RUNX1T1: variants seen among roughly 807,000 people sequenced by gnomAD.
RUNX1T1 encodes protein CBFA2T1.
Under a neutral mutation model 62.8 loss-of-function variants are expected in RUNX1T1, and 4 were observed. The observed-to-expected ratio is 0.06, with a 90% CI of 0.03 to 0.15. RUNX1T1 has a LOEUF of 0.15. RUNX1T1 is among the 10% of genes least tolerant of loss of function. The pLI is 1.00. For missense variants in RUNX1T1, 508 were observed against 754.3 expected (o/e 0.67, Z 3.82); for synonymous variants, 291 against 286.0 (o/e 1.02, Z -0.18).
At chr8:91,967,191 C>T (rs1811813338) in intron 10 of RUNX1T1, among the ~76,000 whole-genome samples, 1 of 152,168 alleles carries the variant, frequency 6.6e-6, no homozygotes, top group Admixed American at 6.5e-5. Flanking sequence ...GAGTTAAACA[C>T]TCATCGTAGG....
intron 6 of RUNX1T1, among the ~76,000 whole-genome samples, chr8:91,990,274 C>T (rs542055114): frequency 6.6e-6 from 1 of 152,338 alleles, no homozygotes; most frequent in Non-Finnish European, 1.5e-5. Flanking sequence ...CTCAGCTCCA[C>T]TTTCTGGTTT....
chr8:91,977,298 G>A (rs940399514), intron 8 of RUNX1T1: 2 of 193,262 alleles, frequency 1.0e-5, no homozygotes, highest in East Asian at 8.3e-5. Flanking sequence ...ATATTTAAAA[G>A]TTTATTTTCA....
At chr8:92,007,185 G>T (rs1328464254) in intron 4 of RUNX1T1, among the ~76,000 whole-genome samples, 1 of 152,110 alleles carries the variant, frequency 6.6e-6, no homozygotes, top group Non-Finnish European at 1.5e-5. Context: ...TCCTGGGCTG[G>T]GTGTAGTGGC....
At chr8:92,075,897 G>GA in intron 2 of RUNX1T1, 68 bp downstream of exon 2, 2 of 1,378,698 alleles carry the variant, frequency 1.5e-6, no homozygotes, top group South Asian at 1.3e-5. Context: ...TAATTTATTG[G>GA]AAAAAATAGA....
At chr8:92,047,484 T>C (rs1414614141) in intron 1 of RUNX1T1, among the ~76,000 whole-genome samples, 1 of 152,110 alleles carries the variant, frequency 6.6e-6, no homozygotes, top group African/African-American at 2.4e-5. Flanking sequence ...TATTGTCTGC[T>C]CCTGTTCACT....
At chr8:91,992,244 T>C (rs73698209) in intron 5 of RUNX1T1, among the ~76,000 whole-genome samples, 391 of 152,316 alleles carry the variant, frequency 2.6e-3, no homozygotes, top group African/African-American at 8.9e-3. Context: ...TAAGACCGAC[T>C]GTATTTGATG....
intron 5 of RUNX1T1, among the ~76,000 whole-genome samples, chr8:91,993,011 C>T (rs28445764): frequency 0.029 from 4,457 of 152,262 alleles, 220 homozygotes; most frequent in African/African-American, 0.099. Context: ...TGCTCCCAAA[C>T]TTACTTTTTA....
At chr8:92,077,651 A>C (rs572060585) in intron 1 of RUNX1T1, among the ~76,000 whole-genome samples, 10 of 152,234 alleles carry the variant, frequency 6.6e-5, no homozygotes, top group Admixed American at 1.3e-4. Flanking sequence ...ATCATAATAT[A>C]TATTTTGTGC....
chr8:91,984,258 T>C (rs915706932), intron 8 of RUNX1T1, among the ~76,000 whole-genome samples: 6 of 152,200 alleles, frequency 3.9e-5, no homozygotes, highest in African/African-American at 1.4e-4. Context: ...ACATGATATA[T>C]ACCTATATCA....
intron 1 of RUNX1T1, among the ~76,000 whole-genome samples, chr8:92,021,228 A>T (rs1824028504): frequency 6.6e-6 from 1 of 152,258 alleles, no homozygotes. Context: ...AACAGGAAAC[A>T]GGAAAGAAGA....
chr8:92,020,502 A>G (rs142490419), intron 1 of RUNX1T1, among the ~76,000 whole-genome samples: 415 of 152,216 alleles, frequency 2.7e-3, no homozygotes, highest in African/African-American at 9.6e-3. Context: ...GGGAGTTCTG[A>G]CATATACTCA....
chr8:92,010,799 T>G, intron 4 of RUNX1T1: 1 of 449,284 alleles, frequency 2.2e-6, no homozygotes, highest in Non-Finnish European at 3.9e-6. Context: ...TCTTCAAACT[T>G]TACTTCTTTT....
At chr8:92,000,033 C>T (rs1819460624) in intron 5 of RUNX1T1, among the ~76,000 whole-genome samples, 1 of 152,156 alleles carries the variant, frequency 6.6e-6, no homozygotes, top group African/African-American at 2.4e-5. Flanking sequence ...TGGCTCGGTA[C>T]AGTGGCTCAT....
chr8:91,989,819 G>A (rs893129680), intron 6 of RUNX1T1, among the ~76,000 whole-genome samples: 5 of 152,194 alleles, frequency 3.3e-5, no homozygotes, highest in African/African-American at 1.2e-4. Flanking sequence ...TATCAATCCA[G>A]ATCAAGAAAT....
At chr8:92,076,867 G>C (rs1483776867) in intron 1 of RUNX1T1, among the ~76,000 whole-genome samples, 1 of 151,790 alleles carries the variant, frequency 6.6e-6, no homozygotes, top group Non-Finnish European at 1.5e-5. Flanking sequence ...TTAAAAATGA[G>C]ACCACTACTA....
chr8:92,070,486 C>T (rs1833509113), intron 2 of RUNX1T1, among the ~76,000 whole-genome samples: 1 of 152,176 alleles, frequency 6.6e-6, no homozygotes, highest in Non-Finnish European at 1.5e-5. Context: ...GCTACTTACG[C>T]TGTGCATAAT....
chr8:91,984,556 T>C (rs1457936389), intron 8 of RUNX1T1, among the ~76,000 whole-genome samples: 2 of 152,212 alleles, frequency 1.3e-5, no homozygotes, highest in Non-Finnish European at 2.9e-5. Context: ...TGGCACATAG[T>C]AAGTGCTCAA....
intron 1 of RUNX1T1, among the ~76,000 whole-genome samples, chr8:92,060,232 C>G (rs539843366): frequency 6.6e-6 from 1 of 151,966 alleles, no homozygotes; most frequent in East Asian, 1.9e-4. Flanking sequence ...TTGAAATAAT[C>G]TATTTCTTTA....
intron 5 of RUNX1T1, among the ~76,000 whole-genome samples, chr8:91,998,518 G>A (rs1387560088): frequency 6.6e-6 from 1 of 152,112 alleles, no homozygotes; most frequent in African/African-American, 2.4e-5. Flanking sequence ...AGATGGATAC[G>A]TGCCACTCCA....
Sources: gnomAD v4.1 joint callset for allele counts (sites outside exome capture counted in the v4.1 genomes callset) on GRCh38, gnomAD v4.1.1 for gene constraint, MANE v1.5 for transcripts, NCBI Gene and HGNC (gene_info 2026-07-23, HGNC 2026-07-21) for gene names.